Variants in RHEB observed in about 807,000 individuals in gnomAD.
RHEB encodes the protein GTP-binding protein Rheb.
In RHEB, 2 loss-of-function variants were observed where a neutral mutation model predicts 28.8. The observed-to-expected ratio is 0.07, with a 90% CI of 0.03 to 0.22. RHEB has a LOEUF of 0.22. Ranked by LOEUF, RHEB falls within the 10% of genes least tolerant of loss-of-function variation. The probability of loss-of-function intolerance (pLI) is 1.00; values close to 1 mark genes in which losing one functional copy is unlikely to be tolerated. For missense variants in RHEB, 76 were observed against 219.9 expected (o/e 0.35, Z 4.14); for synonymous variants, 69 against 77.3 (o/e 0.89, Z 0.56).
chr7:151,501,786 G>C (rs1335713810), intron 1 of RHEB: 10 of 329,036 alleles, frequency 3.0e-5, no homozygotes, highest in South Asian at 5.9e-5. Context: ...TGAGCGCACT[G>C]CAACACATGC....
chr7:151,501,749 G>A (rs866913602), intron 1 of RHEB: 45 of 231,798 alleles, frequency 1.9e-4, no homozygotes, highest in African/African-American at 8.8e-4. Flanking sequence ...CGCCCCTGGC[G>A]GAGGAAGTGA....
chr7:151,469,682 G>A (rs371960837), intron 7 of RHEB, among the ~76,000 whole-genome samples: 3 of 152,164 alleles, frequency 2.0e-5, no homozygotes, highest in Admixed American at 6.5e-5. Flanking sequence ...ATTTTAAACC[G>A]GAGGGGAGCA....
intron 2 of RHEB, among the ~76,000 whole-genome samples, chr7:151,485,718 A>G (rs776128354): frequency 2.0e-5 from 3 of 152,036 alleles, no homozygotes; most frequent in Admixed American, 6.5e-5. Flanking sequence ...ATGTGAGAAA[A>G]CTCTAAGTAA....
At chr7:151,501,874 G>C in intron 1 of RHEB, 1 of 630,244 alleles carries the variant, frequency 1.6e-6, no homozygotes, top group Non-Finnish European at 3.0e-6. Flanking sequence ...GAGGAGGCAA[G>C]AAGATGGTGG....
chr7:151,513,578 G>A (rs12113016), intron 1 of RHEB, among the ~76,000 whole-genome samples: 63 of 152,328 alleles, frequency 4.1e-4, no homozygotes, highest in African/African-American at 1.4e-3. Context: ...CAAATGACCA[G>A]TAACGCTACA....
intron 1 of RHEB, among the ~76,000 whole-genome samples, chr7:151,504,160 T>C (rs1802825352): frequency 6.6e-6 from 1 of 152,252 alleles, no homozygotes; most frequent in Non-Finnish European, 1.5e-5. Context: ...ATCTGTTTGC[T>C]GACACATTTG....
At position 151,466,799 on chromosome 7, in the gene RHEB, A is replaced by ATTTTGATG. The variant is rs1419044285; in HGVS notation, c.*319_*320insCATCAAAA. ...GAAGCCTAGTTAATAGTAGTGTAACAATATGCATCATTTTGATGATTACAT... is the reference window on the plus strand; with the variant it reads ...GAAGCCTAGTTAATAGTAGTGTAACATTTTGATGATATGCATCATTTTGATGATTACAT... On this transcript the variant is annotated 3_prime_UTR_variant, in exon 8 of 8. Transcript: ENST00000262187. 3.9e-6 allele frequency: 1 copy of ATTTTGATG among 259,102 alleles called. No homozygotes were observed. Among genetic ancestry groups the ATTTTGATG allele is most frequent in the Non-Finnish European group, 7.4e-6 (1 of 134,984 alleles). 16.1% of individuals were successfully genotyped at this position (259,102 alleles called of 1,614,324 possible). A position where few individuals can be genotyped will look rare whatever the true frequency, so the allele number is the denominator to read the frequency against.
intron 7 of RHEB, chr7:151,470,304 T>C: frequency 4.1e-6 from 1 of 243,256 alleles, no homozygotes; most frequent in East Asian, 8.5e-5. Flanking sequence ...CAAAAATATA[T>C]GTTTACAAAA....
chr7:151,519,038 G>C (rs1427167399), intron 1 of RHEB: 1 of 152,372 alleles, frequency 6.6e-6, no homozygotes, highest in Non-Finnish European at 1.5e-5. Flanking sequence ...TTACATCGGG[G>C]GCGGGGTGGG....
chr7:151,517,465 A>T (rs1394955493), intron 1 of RHEB, among the ~76,000 whole-genome samples: 2 of 151,844 alleles, frequency 1.3e-5, no homozygotes, highest in Non-Finnish European at 2.9e-5. Flanking sequence ...AAATATGGAG[A>T]AGTGGGGTAG....
intron 1 of RHEB, among the ~76,000 whole-genome samples, chr7:151,491,238 T>C (rs1377917284): frequency 1.3e-5 from 2 of 152,246 alleles, no homozygotes; most frequent in African/African-American, 4.8e-5. Context: ...AAAGTAAACA[T>C]GTCTGTGACA....
intron 1 of RHEB, among the ~76,000 whole-genome samples, chr7:151,505,403 A>C (rs901985355): frequency 2.0e-5 from 3 of 152,256 alleles, no homozygotes; most frequent in Admixed American, 2.0e-4. Flanking sequence ...CAGTAGGTAT[A>C]TGAAAAGATG....
rs543909538 is a variant in RHEB at position 151,472,347 on chromosome 7, C to A, written c.276-742G>T. Among the ~76,000 whole-genome samples, 1 of 152,168 alleles carries A rather than the reference C, an allele frequency of 6.6e-6. No homozygotes were observed. The highest frequency in any genetic ancestry group is 2.4e-5 in the African/African-American group (1 of 41,428). On this transcript the variant is annotated intron_variant, in intron 4 of 7. Coordinates refer to ENST00000262187, the MANE Select transcript of RHEB (RefSeq NM_005614.4). The surrounding 1 kb of genome is among the most constrained non-coding windows in gnomAD (Gnocchi z 5.2). ...CAGTTCCACAGCCCCAACCCTTCCC[C>A]GCCACCCCTGCTCAGCACAGCAACC... is the stretch of plus-strand genomic sequence containing the variant.
At chr7:151,496,982 G>A (rs1401780052) in intron 1 of RHEB, among the ~76,000 whole-genome samples, 1 of 150,726 alleles carries the variant, frequency 6.6e-6, no homozygotes, top group East Asian at 1.9e-4. Context: ...GTAGAGATGG[G>A]GTTTCACTGT....
At chr7:151,467,758 T>C (rs11972151) in intron 7 of RHEB, among the ~76,000 whole-genome samples, 21,018 of 151,874 alleles carry the variant, frequency 0.14, 2,928 homozygotes, top group African/African-American at 0.36. Context: ...TCTCCTGGCC[T>C]CTCCTCTCCT....
At chr7:151,506,928 T>A (rs1802892274) in intron 1 of RHEB, among the ~76,000 whole-genome samples, 1 of 152,138 alleles carries the variant, frequency 6.6e-6, no homozygotes, top group South Asian at 2.1e-4. Context: ...CTACTGCACA[T>A]CACTTGAGGC....
chr7:151,483,617 G>A (rs1297431919), intron 3 of RHEB, among the ~76,000 whole-genome samples: 2 of 152,190 alleles, frequency 1.3e-5, no homozygotes, highest in South Asian at 4.1e-4. Context: ...TTGGGAGGCT[G>A]TGCCAGGAGA....
At chr7:151,490,066 C>T (rs889582145) in intron 2 of RHEB, among the ~76,000 whole-genome samples, 1 of 152,148 alleles carries the variant, frequency 6.6e-6, no homozygotes, top group Non-Finnish European at 1.5e-5. Context: ...AACCTAGTTC[C>T]AGGGCCCACC....
At chr7:151,517,176 G>A (rs902425046) in intron 1 of RHEB, among the ~76,000 whole-genome samples, 1 of 152,026 alleles carries the variant, frequency 6.6e-6, no homozygotes. Context: ...CAAGCCTGAC[G>A]TTTGGCCAAG....
Sources: allele counts gnomAD v4.1 joint callset (sites outside exome capture counted in the v4.1 genomes callset), GRCh38; gene constraint gnomAD v4.1.1; non-coding constraint Gnocchi (gnomAD v3.1); transcripts MANE v1.5; gene names NCBI Gene and HGNC (gene_info 2026-07-23, HGNC 2026-07-21).